Variants in SUGCT observed in about 807,000 individuals in gnomAD.
The protein encoded by SUGCT is succinyl-CoA:glutarate CoA-transferase.
SUGCT carries 41 observed loss-of-function variants against 55.0 expected under a neutral mutation model. The observed-to-expected ratio is 0.74, with a 90% CI of 0.58 to 0.97. The LOEUF is 0.97. Among genes scored for constraint, SUGCT ranks in the 50% least tolerant of loss-of-function variants. SUGCT has a pLI of 0.00. For synonymous variants in SUGCT, 187 were observed against 200.4 expected (o/e 0.93, Z 0.56); for missense variants, 568 against 547.8 (o/e 1.04, Z -0.37).
At chr7:40,602,405 C>A (rs1798338419) in intron 12 of SUGCT, among the ~76,000 whole-genome samples, 1 of 152,120 alleles carries the variant, frequency 6.6e-6, no homozygotes, top group Non-Finnish European at 1.5e-5. Flanking sequence ...CCTTTACAGC[C>A]CTTCGTATTT....
chr7:40,695,945 T>C (rs1784916463), intron 12 of SUGCT, among the ~76,000 whole-genome samples: 1 of 152,140 alleles, frequency 6.6e-6, no homozygotes, highest in African/African-American at 2.4e-5. Flanking sequence ...CTGGAGAGGT[T>C]GAGTAGCTTT....
chr7:40,215,247 A>G (rs1051790636), intron 6 of SUGCT, among the ~76,000 whole-genome samples: 2 of 152,050 alleles, frequency 1.3e-5, no homozygotes, highest in Non-Finnish European at 2.9e-5. Flanking sequence ...GGCTCAAACG[A>G]TCTTCCTACC....
intron 12 of SUGCT, among the ~76,000 whole-genome samples, chr7:40,693,136 A>C (rs1156791408): frequency 6.6e-6 from 1 of 151,852 alleles, no homozygotes; most frequent in South Asian, 2.1e-4. Flanking sequence ...CAATAGACCA[A>C]CTCTTCTCTT....
the SUGCT span, among the ~76,000 whole-genome samples, chr7:41,018,907 T>TC: frequency 5.9e-4 from 87 of 148,500 alleles, no homozygotes; most frequent in Admixed American, 1.6e-3. Context: ...ACTAATATAT[T>TC]CTTTTTTTTT....
chr7:40,449,405 G>A (rs1376453881), intron 10 of SUGCT, 47 bp downstream of exon 10: 1 of 1,495,130 alleles, frequency 6.7e-7, no homozygotes, highest in Non-Finnish European at 9.2e-7. Flanking sequence ...TACAAAGCCA[G>A]GGAAAGTTCA....
chr7:40,808,175 G>A (rs1184661945), intron 13 of SUGCT: 1 of 152,206 alleles, frequency 6.6e-6, no homozygotes, highest in African/African-American at 2.4e-5. Context: ...AGCAGGTGAG[G>A]GCAGCCAAGA....
chr7:40,258,130 A>T (rs1253015020), intron 7 of SUGCT, among the ~76,000 whole-genome samples: 1 of 152,176 alleles, frequency 6.6e-6, no homozygotes, highest in Admixed American at 6.5e-5. Flanking sequence ...CCACCATCAT[A>T]GGTAACAAAC....
chr7:40,901,094 T>C, the SUGCT span, among the ~76,000 whole-genome samples: 1 of 152,190 alleles, frequency 6.6e-6, no homozygotes, highest in Non-Finnish European at 1.5e-5. Context: ...TGATTCATAC[T>C]ATATTTGGCT....
At chr7:40,799,197 A>G (rs2128749723) in intron 13 of SUGCT, among the ~76,000 whole-genome samples, 2 of 152,322 alleles carry the variant, frequency 1.3e-5, no homozygotes, top group East Asian at 3.9e-4. Context: ...CTTTTTGTGC[A>G]CCAAGAGGCT....
At chr7:40,168,981 C>A (rs1784548043) in intron 1 of SUGCT, among the ~76,000 whole-genome samples, 1 of 152,094 alleles carries the variant, frequency 6.6e-6, no homozygotes, top group Admixed American at 6.6e-5. Context: ...TGTAAGACTA[C>A]CACCTCTTTA....
At chr7:40,543,934 G>C (rs1425138640) in intron 12 of SUGCT, among the ~76,000 whole-genome samples, 1 of 152,130 alleles carries the variant, frequency 6.6e-6, no homozygotes, top group African/African-American at 2.4e-5. Context: ...GTTTAGCTGA[G>C]AAAACAGAAG....
intron 13 of SUGCT, among the ~76,000 whole-genome samples, chr7:40,760,493 A>T (rs1270348199): frequency 6.6e-6 from 1 of 152,154 alleles, no homozygotes; most frequent in East Asian, 1.9e-4. Context: ...CTTTGGGAAG[A>T]TGACAAAGTT....
chr7:40,617,085 CTTGT>C (rs1799038243), intron 12 of SUGCT, among the ~76,000 whole-genome samples: 1 of 151,544 alleles, frequency 6.6e-6, no homozygotes, highest in South Asian at 2.1e-4. Context: ...TCTTTTTCTT[CTTGT>C]TTAATATTTG....
the SUGCT span, among the ~76,000 whole-genome samples, chr7:40,889,934 T>C: frequency 6.6e-6 from 1 of 152,076 alleles, no homozygotes. Flanking sequence ...ACAACCATGT[T>C]ATTTGGGTAT....
chr7:40,137,455 A>G (rs1051338916), intron 1 of SUGCT, among the ~76,000 whole-genome samples: 5 of 152,080 alleles, frequency 3.3e-5, no homozygotes, highest in Admixed American at 3.3e-4. Context: ...TTAATAGTAA[A>G]CAGTTTAACT....
intron 13 of SUGCT, among the ~76,000 whole-genome samples, chr7:40,846,789 G>A (rs575074192): frequency 4.7e-4 from 72 of 152,272 alleles, no homozygotes; most frequent in African/African-American, 1.6e-3. Flanking sequence ...TAACGAGCAC[G>A]CACTTTGTAT....
intron 13 of SUGCT, among the ~76,000 whole-genome samples, chr7:40,779,554 T>G (rs1789629819): frequency 6.6e-6 from 1 of 152,172 alleles, no homozygotes; most frequent in Non-Finnish European, 1.5e-5. Context: ...GAAAATAGTC[T>G]TACAGCAAAA....
chr7:40,359,341 A>G (rs1032948035), intron 9 of SUGCT, among the ~76,000 whole-genome samples: 8 of 152,142 alleles, frequency 5.3e-5, no homozygotes, highest in African/African-American at 1.9e-4. Flanking sequence ...AGTAGCTGGG[A>G]TTACAGACAT....
At chr7:40,552,796 A>T (rs1207658197) in intron 12 of SUGCT, among the ~76,000 whole-genome samples, 1 of 147,416 alleles carries the variant, frequency 6.8e-6, no homozygotes, top group Non-Finnish European at 1.5e-5. Context: ...TGTTTCCTGA[A>T]CCCATCATCG....
Sources: allele counts gnomAD v4.1 joint callset (sites outside exome capture counted in the v4.1 genomes callset), GRCh38; gene constraint gnomAD v4.1.1; transcripts MANE v1.5; gene names NCBI Gene and HGNC (gene_info 2026-07-23, HGNC 2026-07-21).